The following SLC36A4 variants were observed in gnomAD, a reference collection of about 807,000 sequenced individuals.
SLC36A4 encodes the protein neutral amino acid uniporter 4.
In SLC36A4, 49 loss-of-function variants were observed where a neutral mutation model predicts 50.5. That is an observed-to-expected ratio of 0.97 (90% CI 0.77 to 1.23). The LOEUF is 1.23. SLC36A4 is among the 50% of genes most tolerant of loss of function. The probability of loss-of-function intolerance (pLI) is 0.00; values close to 1 mark genes in which losing one functional copy is unlikely to be tolerated. For synonymous variants in SLC36A4, 207 were observed against 206.5 expected (o/e 1.00, Z -0.02); for missense variants, 611 against 608.4 (o/e 1.00, Z -0.05).
intron 4 of SLC36A4, 141 bp downstream of exon 4, chr11:93,182,665 A>G: frequency 6.1e-6 from 3 of 493,840 alleles, no homozygotes; most frequent in Non-Finnish European, 1.1e-5. Context: ...ATGAAATGCT[A>G]CCTTCTTCCA....
intron 10 of SLC36A4, chr11:93,152,808 A>C (rs1249139813): frequency 6.6e-6 from 1 of 152,182 alleles, no homozygotes; most frequent in African/African-American, 2.4e-5. Flanking sequence ...GAATTGTCTT[A>C]CATCTATTGA....
At chr11:93,148,889 T>C (rs1411951539) in intron 10 of SLC36A4, 45 bp from the exon 11 acceptor site, 2 of 1,510,378 alleles carry the variant, frequency 1.3e-6, no homozygotes, top group East Asian at 2.3e-5. Context: ...AAATGTTTGT[T>C]ACTTACATGA....
chr11:93,164,731 C>T (rs1860785829), intron 8 of SLC36A4, among the ~76,000 whole-genome samples: 8 of 152,010 alleles, frequency 5.3e-5, no homozygotes, highest in Admixed American at 4.6e-4. Context: ...TGTCACGCAG[C>T]ATTATAGGTG....
At chr11:93,158,122 A>C (rs1411485837) in intron 9 of SLC36A4, among the ~76,000 whole-genome samples, 1 of 152,204 alleles carries the variant, frequency 6.6e-6, no homozygotes, top group Non-Finnish European at 1.5e-5. Context: ...TAATTTTAAA[A>C]ATTAGCTAAG....
intron 6 of SLC36A4, among the ~76,000 whole-genome samples, chr11:93,179,085 A>G (rs1262238501): frequency 6.6e-6 from 1 of 152,238 alleles, no homozygotes; most frequent in Non-Finnish European, 1.5e-5. Context: ...GGGAGCAAGG[A>G]AAGTGGCAGA....
intron 6 of SLC36A4, chr11:93,170,995 T>C (rs1462834685): frequency 6.6e-6 from 1 of 152,060 alleles, no homozygotes; most frequent in Admixed American, 6.6e-5. Context: ...TTGGTAAGGT[T>C]TAATCAACTA....
At chr11:93,177,767 A>G (rs1422503184) in intron 6 of SLC36A4, among the ~76,000 whole-genome samples, 3 of 152,064 alleles carry the variant, frequency 2.0e-5, no homozygotes, top group Non-Finnish European at 2.9e-5. Flanking sequence ...GCTGTATGAG[A>G]TATCAGTTGG....
At position 93,148,787 on chromosome 11, in the gene SLC36A4, A is replaced by G. The variant is rs1464302448; in HGVS notation, c.1265T>C (p.Val422Ala). The change falls in exon 11 of 11, where the codon GTG (valine) becomes GCG (alanine). Residue 422 changes from valine (V) to alanine (A), a missense_variant. Physicochemically the swap from Val to Ala is moderately conservative, Grantham distance 64. Transcript: ENST00000326402. ...GATTAGGGCCAATGTGCTGCTGCTCACAGCTCCAACGAAGGAAATCACAAT... is the reference window on the plus strand; with the variant it reads ...GATTAGGGCCAATGTGCTGCTGCTCGCAGCTCCAACGAAGGAAATCACAAT... Reference protein sequence around the residue: ...LDIVISFVGAVSSSTLALILP... With the variant: ...LDIVISFVGAASSSTLALILP... 1 of 1,612,984 alleles carries G rather than the reference A, an allele frequency of 6.2e-7. No individual in the cohort carries two copies. The highest frequency in any genetic ancestry group is 2.2e-5 in the East Asian group (1 of 44,822).
intron 9 of SLC36A4, chr11:93,160,310 G>C: frequency 1.0e-6 from 1 of 985,370 alleles, no homozygotes; most frequent in Non-Finnish European, 1.2e-6. Flanking sequence ...TGTCTTGACT[G>C]GCTTTCCTGT....
At chr11:93,182,407 C>G (rs1590976149) in intron 4 of SLC36A4, 1 of 189,236 alleles carries the variant, frequency 5.3e-6, no homozygotes, top group African/African-American at 2.4e-5. Flanking sequence ...AAAATAAAGA[C>G]AAATAATATT....
chr11:93,148,859 T>C lies in SLC36A4; in HGVS notation c.1208-15A>G, dbSNP rs758166506. On this transcript the variant is annotated splice_polypyrimidine_tract_variant and intron_variant, in intron 10 of 10. Coordinates refer to ENST00000326402, the MANE Select transcript of SLC36A4 (RefSeq NM_152313.4). The stretch of plus-strand genomic sequence containing the variant: ...TGCTCCGGCACCTAGAAAATGAAAA[T>C]ACATTTATTTTTCTTATTTAAATGT... The C allele has an allele frequency of 4.2e-5, 67 of 1,587,462 alleles. No homozygotes were observed. Among genetic ancestry groups the C allele is most frequent in the Non-Finnish European group, 5.6e-5 (65 of 1,170,736 alleles).
Position 93,148,583 on chromosome 11 carries a change from G to A in SLC36A4, c.1469C>T (p.Pro490Leu), listed in dbSNP as rs751795703. 1 of 1,612,106 alleles carries A rather than the reference G, an allele frequency of 6.2e-7. No individual in the cohort carries two copies. The highest frequency in any genetic ancestry group is 1.3e-5 in the African/African-American group (1 of 74,886). ...GCATGTTGAATTCAAATTTAGAAAA[G>A]GACTCTGTGGAGTGCCAGCTACAAC... ...PKVVAGTPQS[P>L]FLNLNSTCLT... The change falls in exon 11 of 11, where the codon CCT becomes CTT. Residue 490 changes from proline to leucine, a missense_variant. Physicochemically the swap from Pro to Leu is moderately conservative, Grantham distance 98. Coordinates refer to ENST00000326402, the MANE Select transcript of SLC36A4 (RefSeq NM_152313.4).
At chr11:93,185,906 T>C (rs1361180411) in intron 1 of SLC36A4, 92 bp from the exon 2 acceptor site, 6 of 1,122,162 alleles carry the variant, frequency 5.3e-6, no homozygotes, top group Admixed American at 3.0e-5. Context: ...GGAAACACCA[T>C]TTGTACTCAT....
intron 5 of SLC36A4, among the ~76,000 whole-genome samples, 181 bp from the exon 6 acceptor site, chr11:93,181,062 C>T (rs1255643469): frequency 1.3e-5 from 2 of 152,060 alleles, no homozygotes; most frequent in African/African-American, 2.4e-5. Flanking sequence ...AGAAAGGCCA[C>T]ACTTAACTAT....
intron 1 of SLC36A4, among the ~76,000 whole-genome samples, chr11:93,192,169 C>A (rs1862242356): frequency 6.6e-6 from 1 of 152,114 alleles, no homozygotes; most frequent in Admixed American, 6.5e-5. Flanking sequence ...ATTGAGACAG[C>A]CTCTAATTTT....
chr11:93,152,260 C>G (rs1032264498), intron 10 of SLC36A4: 1 of 152,136 alleles, frequency 6.6e-6, no homozygotes, highest in African/African-American at 2.4e-5. Context: ...ACAAACATGA[C>G]AAAGTCCCAT....
intron 8 of SLC36A4, among the ~76,000 whole-genome samples, chr11:93,163,711 T>C (rs905534280): frequency 2.6e-5 from 4 of 152,138 alleles, no homozygotes; most frequent in Non-Finnish European, 2.9e-5. Context: ...ATCCAGCTCC[T>C]TCTCTGGGGA....
chr11:93,160,595 C>G, intron 9 of SLC36A4: 1 of 985,296 alleles, frequency 1.0e-6, no homozygotes, highest in African/African-American at 1.7e-5. Flanking sequence ...CAAAAGCATT[C>G]TGTCTTATTC....
intron 6 of SLC36A4, among the ~76,000 whole-genome samples, chr11:93,172,247 CATTTT>C (rs1265142812): frequency 3.3e-5 from 5 of 151,978 alleles, no homozygotes; most frequent in Non-Finnish European, 4.4e-5. Context: ...TTTTTAAAAA[CATTTT>C]ATTATTTTAT....
Sources: allele counts gnomAD v4.1 joint callset (sites outside exome capture counted in the v4.1 genomes callset), GRCh38; gene constraint gnomAD v4.1.1; transcripts MANE v1.5; gene names NCBI Gene and HGNC (gene_info 2026-07-23, HGNC 2026-07-21).